Variants in FNIP1 observed in about 807,000 individuals in gnomAD.
The protein encoded by FNIP1 is folliculin-interacting protein 1.
FNIP1 carries 40 observed loss-of-function variants against 124.5 expected under a neutral mutation model. That is an observed-to-expected ratio of 0.32 (90% CI 0.25 to 0.42). The LOEUF (loss-of-function observed/expected upper bound fraction) is 0.42. Among genes scored for constraint, FNIP1 ranks in the 10% least tolerant of loss-of-function variants. The pLI, the probability that FNIP1 is intolerant of heterozygous loss-of-function variation, is 1.00. For missense variants in FNIP1, 1,176 were observed against 1,403.7 expected (o/e 0.84, Z 2.59); for synonymous variants, 472 against 470.6 (o/e 1.00, Z -0.04).
At chr5:131,674,441 A>T (rs1388320380) in intron 13 of FNIP1, among the ~76,000 whole-genome samples, 1 of 152,196 alleles carries the variant, frequency 6.6e-6, no homozygotes, top group Non-Finnish European at 1.5e-5. Flanking sequence ...AGGGCTGGGC[A>T]TGGTGGCTTA....
chr5:131,794,464 A>C (rs960856450), intron 1 of FNIP1, among the ~76,000 whole-genome samples: 2 of 152,142 alleles, frequency 1.3e-5, no homozygotes, highest in African/African-American at 4.8e-5. Context: ...CCCCACTCCT[A>C]GATTTCTATC....
intron 16 of FNIP1, 76 bp downstream of exon 16, chr5:131,651,726 C>CTTTTTTTTTT: frequency 7.0e-7 from 1 of 1,424,180 alleles, no homozygotes; most frequent in African/African-American, 1.4e-5. Context: ...TCCCTAACAG[C>CTTTTTTTTTT]TTTTTTTCAG....
chr5:131,724,667 C>T (rs1769795278), intron 3 of FNIP1, among the ~76,000 whole-genome samples: 2 of 152,176 alleles, frequency 1.3e-5, no homozygotes, highest in African/African-American at 2.4e-5. Flanking sequence ...CCTGTTGACT[C>T]TGATGATAGT....
chr5:131,693,732 T>A (rs1465990995), intron 11 of FNIP1, among the ~76,000 whole-genome samples: 1 of 152,078 alleles, frequency 6.6e-6, no homozygotes, highest in Non-Finnish European at 1.5e-5. Context: ...TAAGTTGGAC[T>A]GCATTAAAAT....
intron 5 of FNIP1, 79 bp downstream of exon 5, chr5:131,718,907 G>T: frequency 8.4e-7 from 1 of 1,186,456 alleles, no homozygotes; most frequent in Non-Finnish European, 1.2e-6. Context: ...TTGTGCTGCA[G>T]TCCTAAAAGC....
At chr5:131,702,279 C>T (rs937744267) in intron 10 of FNIP1, among the ~76,000 whole-genome samples, 2 of 152,198 alleles carry the variant, frequency 1.3e-5, no homozygotes, top group Non-Finnish European at 2.9e-5. Flanking sequence ...TGAGCTCAAG[C>T]ACCCCTCCCA....
At chr5:131,661,707 T>C (rs980834205) in intron 15 of FNIP1, among the ~76,000 whole-genome samples, 1 of 152,166 alleles carries the variant, frequency 6.6e-6, no homozygotes, top group Non-Finnish European at 1.5e-5. Flanking sequence ...TTTGTGACTA[T>C]GGTGCGGTGA....
chr5:131,755,116 C>G (rs1185280663), intron 1 of FNIP1, among the ~76,000 whole-genome samples: 1 of 151,908 alleles, frequency 6.6e-6, no homozygotes, highest in African/African-American at 2.4e-5. Context: ...GATGTGCAAC[C>G]GATTGATGAA....
At chr5:131,752,143 G>A (rs1007166137) in intron 1 of FNIP1, among the ~76,000 whole-genome samples, 13 of 151,854 alleles carry the variant, frequency 8.6e-5, no homozygotes, top group African/African-American at 2.7e-4. Flanking sequence ...TCTCCGGTTC[G>A]CGCCATTCTC....
rs1002536098 is a variant in FNIP1 at position 131,784,601 on chromosome 5, G to A, written c.92+12229C>T. On this transcript the variant is annotated intron_variant, in intron 1 of 17. Coordinates refer to ENST00000510461, the MANE Select transcript of FNIP1 (RefSeq NM_133372.3). ...TTTGGGAGGCCAAAATGGGAGGACT[G>A]TTTGAGCCCAGGAGTTCGAGACCAG... 2.6e-5 allele frequency among the ~76,000 whole-genome samples: 4 copies of A among 152,004 alleles called. No homozygotes were observed. In the East Asian group the frequency reaches 5.8e-4, roughly 22 times the overall value.
intron 17 of FNIP1, among the ~76,000 whole-genome samples, chr5:131,645,806 G>T (rs1279747941): frequency 6.6e-6 from 1 of 152,172 alleles, no homozygotes; most frequent in African/African-American, 2.4e-5. Context: ...CCATTAGGAA[G>T]AATGAGATTA....
intron 9 of FNIP1, 132 bp from the exon 10 acceptor site, chr5:131,704,398 A>T: frequency 1.5e-6 from 1 of 682,262 alleles, no homozygotes. Flanking sequence ...TTTCATACCA[A>T]TTGTATATCT....
intron 1 of FNIP1, among the ~76,000 whole-genome samples, chr5:131,772,945 T>C (rs1345399159): frequency 2.0e-5 from 3 of 152,192 alleles, no homozygotes; most frequent in Non-Finnish European, 4.4e-5. Flanking sequence ...TTGCCTAGTA[T>C]ACACAAAACT....
At chr5:131,748,261 C>T (rs1770748998) in intron 1 of FNIP1, among the ~76,000 whole-genome samples, 1 of 152,182 alleles carries the variant, frequency 6.6e-6, no homozygotes, top group Non-Finnish European at 1.5e-5. Flanking sequence ...CCTAGTAACA[C>T]TGTAGCTGTC....
chr5:131,711,904 A>T (rs539854383), intron 6 of FNIP1, among the ~76,000 whole-genome samples: 1 of 152,286 alleles, frequency 6.6e-6, no homozygotes. Flanking sequence ...CAGCTTTTTA[A>T]TTCGTCCTAG....
At chr5:131,778,514 G>A (rs59297380) in intron 1 of FNIP1, among the ~76,000 whole-genome samples, 3,551 of 143,288 alleles carry the variant, frequency 0.025, 156 homozygotes, top group African/African-American at 0.089. Context: ...TGGAGAGGAT[G>A]TGGAGAAATA....
rs1285610197 is a variant in FNIP1 at position 131,670,597 on chromosome 5, T to G, written c.2974A>C (p.Asn992His). 1 of 1,613,238 alleles carries G rather than the reference T, an allele frequency of 6.2e-7. No individual in the cohort carries two copies. Among genetic ancestry groups the G allele is most frequent in the African/African-American group, 1.3e-5 (1 of 74,810 alleles). Reference sequence around the variant, plus strand: ...AAGGACCTCCCGAAGTTGGCAATGTTGGGCTGAACAGCACTCACTTCGATT... The same window carrying G: ...AAGGACCTCCCGAAGTTGGCAATGTGGGGCTGAACAGCACTCACTTCGATT... ...KLIEVSAVQP[N>H]IANFGRSLLG... Residue 992 changes from asparagine (N) to histidine (H), a missense_variant, in exon 15 of 18, where the codon AAC becomes CAC. By Grantham distance (68) the Asn-to-His change is moderately conservative. Transcript: ENST00000510461.
At position 131,671,936 on chromosome 5, in the gene FNIP1, G is replaced by A. The variant is rs917205989; in HGVS notation, c.2508C>T (p.Asp836=). Residue 836 remains aspartate, a synonymous_variant, in exon 14 of 18, where the codon GAC becomes GAT. Transcript: ENST00000510461. The part of the protein sequence containing the change: ...HSDPESMSLF[D]EYFNDDSIET... ...CGATTGAATCATCATTAAAATATTC[G>A]TCGAATAAGCTCATGCTTTCTGGGT... 5 of 1,613,992 alleles carry A rather than the reference G, an allele frequency of 3.1e-6. No individual in the cohort carries two copies. The highest frequency in any genetic ancestry group is 1.3e-5 in the African/African-American group (1 of 74,918).
At chr5:131,706,390 G>A (rs748145265) in intron 9 of FNIP1, 21 bp downstream of exon 9, 6 of 1,599,366 alleles carry the variant, frequency 3.8e-6, no homozygotes, top group Non-Finnish European at 5.1e-6. Context: ...ATCTTGTTCT[G>A]TGTTTAAAGT....
Sources: gnomAD v4.1 joint callset for allele counts (sites outside exome capture counted in the v4.1 genomes callset) on GRCh38, gnomAD v4.1.1 for gene constraint, MANE v1.5 for transcripts, NCBI Gene and HGNC (gene_info 2026-07-23, HGNC 2026-07-21) for gene names.